CDC42SE2: variants seen among roughly 807,000 people sequenced by gnomAD.
CDC42SE2 encodes CDC42 small effector protein 2.
CDC42SE2 carries 3 observed loss-of-function variants against 11.5 expected under a neutral mutation model. The observed-to-expected ratio is 0.26, with a 90% CI of 0.12 to 0.67. The LOEUF is 0.67. Ranked by LOEUF, CDC42SE2 falls within the 30% of genes least tolerant of loss-of-function variation. The pLI, the probability that CDC42SE2 is intolerant of heterozygous loss-of-function variation, is 0.80. For missense variants in CDC42SE2, 82 were observed against 106.8 expected, an observed-to-expected ratio of 0.77 and a Z score of 1.02; for synonymous variants, 33 against 34.8, an observed-to-expected ratio of 0.95 and a Z score of 0.18.
At chr5:131,384,363 T>C (rs1479322243) in intron 3 of CDC42SE2, among the ~76,000 whole-genome samples, 4 of 152,142 alleles carry the variant, frequency 2.6e-5, no homozygotes, top group African/African-American at 7.2e-5. Flanking sequence ...GTGATAAAAT[T>C]TTAGGGTTTA....
At chr5:131,323,930 C>T (rs1004905730) in intron 2 of CDC42SE2, among the ~76,000 whole-genome samples, 36 of 152,076 alleles carry the variant, frequency 2.4e-4, no homozygotes, top group African/African-American at 8.2e-4. Context: ...ACATGAGATT[C>T]TAGTAAAAAA....
intron 2 of CDC42SE2, among the ~76,000 whole-genome samples, chr5:131,336,421 A>G (rs1403589646): frequency 1.3e-5 from 2 of 152,014 alleles, no homozygotes; most frequent in Admixed American, 6.6e-5. Flanking sequence ...CTTCATTTCA[A>G]CTTTGATGAA....
At chr5:131,276,628 T>C (rs373843386) in intron 1 of CDC42SE2, among the ~76,000 whole-genome samples, 1 of 152,196 alleles carries the variant, frequency 6.6e-6, no homozygotes, top group Non-Finnish European at 1.5e-5. Flanking sequence ...TGTGGGACTT[T>C]CATATCGCCA....
At position 131,359,883 on chromosome 5, in the gene CDC42SE2, T is replaced by C. The variant is rs1428668105; in HGVS notation, c.54+336T>C. The stretch of plus-strand genomic sequence containing the variant: ...GCCTTGGAAGTCAGTGGGTGGAAGA[T>C]GTGACAGCCATATTGCCATCATATT... On this transcript the variant is annotated intron_variant, in intron 3 of 4. Coordinates refer to ENST00000505065, the MANE Select transcript of CDC42SE2 (RefSeq NM_001375635.1). Among the ~76,000 whole-genome samples, 3 of 152,200 alleles carry C rather than the reference T, an allele frequency of 2.0e-5. No homozygotes were observed. In the East Asian group the frequency reaches 5.8e-4, roughly 29 times the overall value.
chr5:131,272,767 G>A (rs1038082601), intron 1 of CDC42SE2, among the ~76,000 whole-genome samples: 1 of 151,938 alleles, frequency 6.6e-6, no homozygotes, highest in African/African-American at 2.4e-5. Context: ...TGTCATCCGC[G>A]CTCCCTGTCT....
intron 3 of CDC42SE2, among the ~76,000 whole-genome samples, chr5:131,370,842 C>T (rs1749996139): frequency 6.6e-6 from 1 of 151,752 alleles, no homozygotes; most frequent in Non-Finnish European, 1.5e-5. Context: ...GGTTTATAAG[C>T]CTAGACACAA....
chr5:131,244,415 A>G (rs1352009426), upstream of CDC42SE2, among the ~76,000 whole-genome samples: 1 of 152,192 alleles, frequency 6.6e-6, no homozygotes, highest in Non-Finnish European at 1.5e-5. Flanking sequence ...TTAAGCACAC[A>G]AAAAACATCT....
In CDC42SE2 at chr5:131,285,176, T is replaced by G. The variant is rs181120295; in HGVS notation, c.-455+21010T>G. 1.5e-3 allele frequency among the ~76,000 whole-genome samples: 222 copies of G among 151,188 alleles called. 1 individual carries two copies. The highest frequency in any genetic ancestry group is 1.9e-3 in the Non-Finnish European group (131 of 67,870). ...TGGTATACACCTTTGTCCCAGCAAC[T>G]CAGGAGGCTGAGACAGGAAGATCTC... is the stretch of plus-strand genomic sequence containing the variant. On this transcript the variant is annotated intron_variant, in intron 1 of 4. Coordinates refer to ENST00000505065, the MANE Select transcript of CDC42SE2 (RefSeq NM_001375635.1).
chr5:131,324,433 A>G (rs887967916), intron 2 of CDC42SE2, among the ~76,000 whole-genome samples: 2 of 152,120 alleles, frequency 1.3e-5, no homozygotes, highest in East Asian at 3.9e-4. Flanking sequence ...TTGAGAAAAG[A>G]TAATGAAATC....
intron 1 of CDC42SE2, among the ~76,000 whole-genome samples, chr5:131,278,740 TC>T (rs1278066332): frequency 2.4e-3 from 2 of 848 alleles, no homozygotes; most frequent in East Asian, 0.028. Context: ...TCCCCTCCCC[TC>T]CCCCTCCCCT....
At chr5:131,373,467 G>A (rs1750067543) in intron 3 of CDC42SE2, among the ~76,000 whole-genome samples, 1 of 152,134 alleles carries the variant, frequency 6.6e-6, no homozygotes. Flanking sequence ...GACTTCAGCA[G>A]GTCCTTTTCT....
intron 1 of CDC42SE2, among the ~76,000 whole-genome samples, chr5:131,266,210 C>G (rs531521748): frequency 1.3e-5 from 2 of 152,032 alleles, no homozygotes; most frequent in African/African-American, 4.8e-5. Flanking sequence ...CTATTTTAAT[C>G]TATTTATATA....
chr5:131,274,078 T>C (rs987679167), intron 1 of CDC42SE2, among the ~76,000 whole-genome samples: 2 of 152,216 alleles, frequency 1.3e-5, no homozygotes, highest in African/African-American at 4.8e-5. Flanking sequence ...CCTAGAATTA[T>C]ATATTTCAAA....
chr5:131,217,522 G>A, the CDC42SE2 span, among the ~76,000 whole-genome samples: 2 of 152,102 alleles, frequency 1.3e-5, no homozygotes, highest in African/African-American at 4.8e-5. Flanking sequence ...TGAGTGAATA[G>A]GACATCAACA....
chr5:131,315,825 T>C (rs140365274), intron 1 of CDC42SE2, among the ~76,000 whole-genome samples, 151 bp from the exon 2 acceptor site: 120 of 152,258 alleles, frequency 7.9e-4, no homozygotes, highest in African/African-American at 2.8e-3. Flanking sequence ...CACGTTATGG[T>C]GTTGAAATGC....
At chr5:131,248,238 C>A (rs897279416) in intron 1 of CDC42SE2, among the ~76,000 whole-genome samples, 2 of 152,108 alleles carry the variant, frequency 1.3e-5, no homozygotes, top group African/African-American at 4.8e-5. Context: ...CTCCCAGGTT[C>A]AAGCGATTCT....
In CDC42SE2 at chr5:131,392,794, T is replaced by C. The variant is rs1750702983; in HGVS notation, c.*1703T>C. 6.6e-6 allele frequency: 1 copy of C among 152,362 alleles called. No individual in the cohort carries two copies. The highest frequency in any genetic ancestry group is 2.1e-4 in the South Asian group (1 of 4,836). The allele number at this position is 152,362 out of a possible 1,614,324, so 9.4% of individuals were successfully genotyped here. A position where few individuals can be genotyped will look rare whatever the true frequency, so the allele number is the denominator to read the frequency against. Reference sequence around the variant, plus strand: ...TTTAATGTTATGGTATCCAGTTGTTTCCAGTAGCAGTTTCTTGAACTTCTG... The same window carrying C: ...TTTAATGTTATGGTATCCAGTTGTTCCCAGTAGCAGTTTCTTGAACTTCTG... On this transcript the variant is annotated 3_prime_UTR_variant, in exon 5 of 5. Coordinates refer to ENST00000505065, the MANE Select transcript of CDC42SE2 (RefSeq NM_001375635.1).
intron 1 of CDC42SE2, among the ~76,000 whole-genome samples, chr5:131,282,560 G>A (rs1342895997): frequency 6.6e-6 from 1 of 151,882 alleles, no homozygotes; most frequent in East Asian, 1.9e-4. Context: ...TCTTCTTTGG[G>A]GGGAGAGGAG....
At chr5:131,385,460 T>C in intron 3 of CDC42SE2, 83 bp from the exon 4 acceptor site, 2 of 929,422 alleles carry the variant, frequency 2.2e-6, no homozygotes, top group Non-Finnish European at 3.3e-6. Flanking sequence ...GGCAAATTTA[T>C]TAAACAGTCA....
Sources: allele counts gnomAD v4.1 joint callset (sites outside exome capture counted in the v4.1 genomes callset), GRCh38; gene constraint gnomAD v4.1.1; transcripts MANE v1.5; gene names NCBI Gene and HGNC (gene_info 2026-07-23, HGNC 2026-07-21).